Variants in CRYZL1 observed in about 807,000 individuals in gnomAD.
CRYZL1 encodes crystallin zeta like 1, also known as ferry endosomal RAB5 effector complex subunit 4.
Under a neutral mutation model 50.6 loss-of-function variants are expected in CRYZL1, and 34 were observed. The ratio of observed to expected loss-of-function variants is 0.67; its 90% CI spans 0.51 to 0.89. CRYZL1 has a LOEUF of 0.89. CRYZL1 is among the 40% of genes least tolerant of loss of function. CRYZL1 has a pLI of 0.00. For missense variants in CRYZL1, 354 were observed against 402.3 expected (o/e 0.88, Z 1.03); for synonymous variants, 125 against 134.3 (o/e 0.93, Z 0.48).
intron 2 of CRYZL1, among the ~76,000 whole-genome samples, chr21:33,628,299 C>T (rs2087093171): frequency 6.6e-6 from 1 of 152,132 alleles, no homozygotes. Flanking sequence ...TATTCAGAGT[C>T]TTTTGTGGTT....
chr21:33,638,026 T>A (rs1008547693), intron 1 of CRYZL1, among the ~76,000 whole-genome samples: 11 of 151,980 alleles, frequency 7.2e-5, no homozygotes, highest in Admixed American at 7.2e-4. Flanking sequence ...TAATGTTAAA[T>A]TTTAACAATG....
rs2086744792 is a variant in CRYZL1 at position 33,600,877 on chromosome 21, T to C, written c.577+1357A>G. ...CTCTGGACCTCATGATCTGCCCGCC[T>C]TGGCCTCCCAAAGTGCTGGGATTAT... On this transcript the variant is annotated intron_variant, in intron 8 of 12. Transcript: ENST00000381554. Among the ~76,000 whole-genome samples the C allele has an allele frequency of 2.0e-5, 3 of 146,412 alleles. No individual in the cohort carries two copies. In the South Asian group the frequency reaches 6.6e-4, roughly 32 times the overall value.
intron 11 of CRYZL1, among the ~76,000 whole-genome samples, chr21:33,592,099 A>G (rs141633686): frequency 8.0e-4 from 114 of 142,546 alleles, no homozygotes; most frequent in African/African-American, 2.8e-3. Flanking sequence ...TGGTTATGCT[A>G]TTTTTTTTGT....
intron 6 of CRYZL1, among the ~76,000 whole-genome samples, chr21:33,605,776 G>C: frequency 6.6e-6 from 1 of 151,638 alleles, no homozygotes; most frequent in Admixed American, 6.6e-5. Flanking sequence ...TGCCTACCTT[G>C]GCCTCCCAAA....
intron 11 of CRYZL1, among the ~76,000 whole-genome samples, chr21:33,593,618 G>A (rs1469876047): frequency 2.6e-5 from 4 of 152,184 alleles, no homozygotes; most frequent in African/African-American, 9.6e-5. Context: ...CTCATCGGGA[G>A]AGGTGGTTTG....
intron 1 of CRYZL1, among the ~76,000 whole-genome samples, chr21:33,635,201 T>C (rs2087190098): frequency 6.6e-6 from 1 of 152,032 alleles, no homozygotes; most frequent in Non-Finnish European, 1.5e-5. Flanking sequence ...CCTAGGCAGA[T>C]TAAATAAAAC....
At chr21:33,608,332 G>A (rs2086835542) in intron 6 of CRYZL1, among the ~76,000 whole-genome samples, 1 of 152,146 alleles carries the variant, frequency 6.6e-6, no homozygotes, top group Non-Finnish European at 1.5e-5. Flanking sequence ...GCTGGCACCT[G>A]TAATCCCAGC....
chr21:33,603,326 C>A, intron 7 of CRYZL1, 78 bp downstream of exon 7: 1 of 1,537,728 alleles, frequency 6.5e-7, no homozygotes, highest in Non-Finnish European at 8.8e-7. Context: ...ATTATATTAG[C>A]AAATGGATGG....
intron 6 of CRYZL1, among the ~76,000 whole-genome samples, chr21:33,606,855 C>CA (rs1200128091): frequency 6.6e-6 from 1 of 150,878 alleles, no homozygotes; most frequent in Non-Finnish European, 1.5e-5. Flanking sequence ...ACTAAAAATA[C>CA]AAAAAATTAG....
At chr21:33,627,543 C>G (rs1381025946) in intron 2 of CRYZL1, among the ~76,000 whole-genome samples, 1 of 152,022 alleles carries the variant, frequency 6.6e-6, no homozygotes, top group Non-Finnish European at 1.5e-5. Context: ...TTTTGGCTTG[C>G]CACAAATCTT....
intron 5 of CRYZL1, among the ~76,000 whole-genome samples, chr21:33,615,932 T>C (rs1311839716): frequency 6.6e-6 from 1 of 152,208 alleles, no homozygotes; most frequent in African/African-American, 2.4e-5. Context: ...CAGCTAAATA[T>C]ATATATTTTT....
intron 1 of CRYZL1, chr21:33,639,679 C>T (rs1428899721): frequency 1.3e-5 from 2 of 152,096 alleles, no homozygotes; most frequent in African/African-American, 4.8e-5. Context: ...CCACTTCTTG[C>T]TTCAAATGAA....
At chr21:33,601,868 C>T (rs1255264369) in intron 8 of CRYZL1, among the ~76,000 whole-genome samples, 4 of 147,324 alleles carry the variant, frequency 2.7e-5, no homozygotes, top group Admixed American at 6.9e-5. Context: ...CAGTGAGCCA[C>T]GATTGTGCCA....
chr21:33,627,872 G>A (rs1252162080), intron 2 of CRYZL1, among the ~76,000 whole-genome samples: 1 of 151,060 alleles, frequency 6.6e-6, no homozygotes, highest in African/African-American at 2.4e-5. Flanking sequence ...AGCCTCCTGA[G>A]TAGCTGGGAC....
At chr21:33,592,613 C>T (rs891099319) in intron 11 of CRYZL1, among the ~76,000 whole-genome samples, 8 of 152,196 alleles carry the variant, frequency 5.3e-5, no homozygotes, top group African/African-American at 1.9e-4. Flanking sequence ...TGTAATTGCC[C>T]GTACTTCTGA....
chr21:33,596,121 T>C (rs1156484910), intron 10 of CRYZL1: 7 of 581,736 alleles, frequency 1.2e-5, no homozygotes, highest in Non-Finnish European at 2.3e-5. Context: ...CATGAGGGTG[T>C]TGGAAAATCA....
chr21:33,592,487 C>T (rs1263246081), intron 11 of CRYZL1, among the ~76,000 whole-genome samples: 1 of 152,004 alleles, frequency 6.6e-6, no homozygotes, highest in African/African-American at 2.4e-5. Flanking sequence ...GTGGAACCCT[C>T]AGATACAGGG....
intron 4 of CRYZL1, 75 bp downstream of exon 4, chr21:33,621,921 C>T: frequency 1.1e-6 from 1 of 896,264 alleles, no homozygotes; most frequent in African/African-American, 1.7e-5. Flanking sequence ...TTTTATGTAC[C>T]AGTAAACCAA....
intron 12 of CRYZL1, among the ~76,000 whole-genome samples, chr21:33,590,439 CGGAGTTTCTCTTGTTGCCCAG>C (rs146958578): frequency 0.7 from 106,034 of 151,748 alleles, 37,087 homozygotes; most frequent in African/African-American, 0.75. Context: ...TTTTCTGAGA[CGGAGTTTCTCTTGTTGCCCAG>C]GCTGGAGTGC....
Sources: allele counts gnomAD v4.1 joint callset (sites outside exome capture counted in the v4.1 genomes callset), GRCh38; gene constraint gnomAD v4.1.1; transcripts MANE v1.5; gene names NCBI Gene and HGNC (gene_info 2026-07-23, HGNC 2026-07-21).